Variants in IL1RAPL1 observed in about 807,000 individuals in gnomAD.
IL1RAPL1 encodes interleukin-1 receptor accessory protein-like 1.
IL1RAPL1 carries 3 observed loss-of-function variants against 48.4 expected under a neutral mutation model. The ratio of observed to expected loss-of-function variants is 0.06; its 90% CI spans 0.03 to 0.16. IL1RAPL1 has a LOEUF of 0.16. IL1RAPL1 is among the 10% of genes least tolerant of loss of function. The probability of loss-of-function intolerance (pLI) is 1.00; values close to 1 mark genes in which losing one functional copy is unlikely to be tolerated. For synonymous variants in IL1RAPL1, 185 were observed against 187.7 expected, an observed-to-expected ratio of 0.99 and a Z score of 0.12; for missense variants, 349 against 530.6, an observed-to-expected ratio of 0.66 and a Z score of 3.36.
intron 3 of IL1RAPL1, among the ~76,000 whole-genome samples, chrX:29,308,111 C>A (rs746451011): frequency 9.0e-6 from 1 of 111,679 alleles, no homozygotes; most frequent in African/African-American, 3.2e-5. Flanking sequence ...TTTTGATTCA[C>A]GAACTGAAAA....
chrX:29,853,299 C>T (rs1931410995), intron 6 of IL1RAPL1, among the ~76,000 whole-genome samples: 1 of 107,879 alleles, frequency 9.3e-6, no homozygotes, highest in African/African-American at 3.4e-5. Flanking sequence ...TCATGACCAG[C>T]CTGTGCAACA....
chrX:28,952,571 G>GT (rs767579550), intron 2 of IL1RAPL1, among the ~76,000 whole-genome samples: 2 of 110,417 alleles, frequency 1.8e-5, no homozygotes, highest in Admixed American at 9.7e-5. Flanking sequence ...TTATTTTTAT[G>GT]TTTTTTTTCC....
rs1262973678 is a variant in IL1RAPL1 at position 29,766,372 on chromosome X, G to T, written c.778+97868G>T. Reference sequence around the variant, plus strand: ...ATATATATATATATATAGATAGATAGATAGATAGATAGATATTTTTATATA... The same window carrying T: ...ATATATATATATATATAGATAGATATATAGATAGATAGATATTTTTATATA... On this transcript the variant is annotated intron_variant, in intron 6 of 10. Coordinates refer to ENST00000378993, the MANE Select transcript of IL1RAPL1 (RefSeq NM_014271.4). Among the ~76,000 whole-genome samples, 10 of 87,447 alleles carry T rather than the reference G, an allele frequency of 1.1e-4. 1 individual carries two copies. The highest frequency in any genetic ancestry group is 4.2e-4 in the African/African-American group (9 of 21,541). The allele number at this position is 87,447 out of a possible 115,157, so 75.9% of individuals were successfully genotyped here. A position where few individuals can be genotyped will look rare whatever the true frequency, so the allele number is the denominator to read the frequency against.
chrX:28,877,481 T>G (rs1004215896), intron 2 of IL1RAPL1, among the ~76,000 whole-genome samples: 1 of 112,179 alleles, frequency 8.9e-6, no homozygotes, highest in African/African-American at 3.2e-5. Flanking sequence ...TACATCCATT[T>G]TGAGAATGCC....
At chrX:29,586,749 C>T (rs186338968) in intron 5 of IL1RAPL1, among the ~76,000 whole-genome samples, 1 of 110,518 alleles carries the variant, frequency 9.0e-6, no homozygotes, top group African/African-American at 3.3e-5. Flanking sequence ...AACTCTTTTG[C>T]CTCCTTAAGT....
chrX:29,151,154 G>A (rs1179623251), intron 2 of IL1RAPL1, among the ~76,000 whole-genome samples: 2 of 110,250 alleles, frequency 1.8e-5, no homozygotes, highest in Non-Finnish European at 3.8e-5. Flanking sequence ...AAACAAACAA[G>A]CAAACCAAAC....
chrX:29,842,949 C>T (rs779173429), intron 6 of IL1RAPL1, among the ~76,000 whole-genome samples: 2 of 112,051 alleles, frequency 1.8e-5, no homozygotes, highest in African/African-American at 3.2e-5. Flanking sequence ...TCAGATCCTA[C>T]ACTTGTACAA....
At chrX:28,759,125 C>G (rs922521208) in intron 1 of IL1RAPL1, among the ~76,000 whole-genome samples, 29 of 110,887 alleles carry the variant, frequency 2.6e-4, no homozygotes, top group African/African-American at 8.9e-4. Flanking sequence ...GTAATCCCAG[C>G]TACTCAGGAA....
At chrX:29,651,719 A>G (rs1430739910) in intron 5 of IL1RAPL1, among the ~76,000 whole-genome samples, 2 of 111,774 alleles carry the variant, frequency 1.8e-5, no homozygotes, top group East Asian at 5.6e-4. Context: ...CATGATGACT[A>G]TCATTGATGA....
chrX:29,636,387 T>A (rs187832599), intron 5 of IL1RAPL1, among the ~76,000 whole-genome samples: 1 of 112,332 alleles, frequency 8.9e-6, no homozygotes, highest in East Asian at 2.8e-4. Flanking sequence ...GTTTATCACG[T>A]GTTAGGGAAC....
intron 5 of IL1RAPL1, among the ~76,000 whole-genome samples, chrX:29,509,939 T>A (rs1303512053): frequency 8.9e-6 from 1 of 112,053 alleles, no homozygotes; most frequent in African/African-American, 3.2e-5. Flanking sequence ...AAGAGTAAAC[T>A]GTAAAAGACA....
At chrX:29,861,445 AGAAGCCAAGTAAT>A (rs1394667230) in intron 6 of IL1RAPL1, among the ~76,000 whole-genome samples, 1 of 111,954 alleles carries the variant, frequency 8.9e-6, no homozygotes, top group East Asian at 2.8e-4. Context: ...TCTAAAAGGC[AGAAGCCAAGTAAT>A]GCTTTAATGA....
chrX:29,227,781 A>G (rs1931109749), intron 2 of IL1RAPL1, among the ~76,000 whole-genome samples: 1 of 111,355 alleles, frequency 9.0e-6, no homozygotes, highest in African/African-American at 3.3e-5. Context: ...ACAGAGAACC[A>G]TTTCCTATAA....
chrX:29,137,258 T>TCACACACACACACA, intron 2 of IL1RAPL1, among the ~76,000 whole-genome samples: 2 of 100,371 alleles, frequency 2.0e-5, no homozygotes, highest in South Asian at 9.8e-4. Flanking sequence ...ACACTTGCGC[T>TCACACACACACACA]CACACACACA....
chrX:29,938,907 C>G (rs926990403), intron 8 of IL1RAPL1, among the ~76,000 whole-genome samples: 1 of 112,336 alleles, frequency 8.9e-6, no homozygotes, highest in Admixed American at 9.4e-5. Context: ...TTTTGCGTAT[C>G]AGTAGTTTAC....
At chrX:29,911,614 T>TA (rs1932756666) in intron 6 of IL1RAPL1, among the ~76,000 whole-genome samples, 1 of 112,438 alleles carries the variant, frequency 8.9e-6, no homozygotes, top group South Asian at 3.6e-4. Context: ...CATTAGCTAA[T>TA]AAAACAATGG....
At chrX:29,812,651 G>A (rs992832456) in intron 6 of IL1RAPL1, among the ~76,000 whole-genome samples, 3 of 111,034 alleles carry the variant, frequency 2.7e-5, no homozygotes, top group East Asian at 2.8e-4. Flanking sequence ...TTAATATAAC[G>A]ACACACTTTT....
intron 2 of IL1RAPL1, among the ~76,000 whole-genome samples, chrX:29,189,974 T>C (rs1930321963): frequency 9.0e-6 from 1 of 111,714 alleles, no homozygotes; most frequent in African/African-American, 3.3e-5. Context: ...GTTTAGAGCA[T>C]GGACCTTGAA....
At chrX:28,821,185 A>G (rs1301179060) in intron 2 of IL1RAPL1, among the ~76,000 whole-genome samples, 2 of 112,225 alleles carry the variant, frequency 1.8e-5, no homozygotes, top group Non-Finnish European at 3.8e-5. Context: ...AGGAATGGTT[A>G]GGCATTTACT....
Sources: gnomAD v4.1 joint callset for allele counts (sites outside exome capture counted in the v4.1 genomes callset) on GRCh38, gnomAD v4.1.1 for gene constraint, MANE v1.5 for transcripts, NCBI Gene and HGNC (gene_info 2026-07-23, HGNC 2026-07-21) for gene names.